AKR1C4: variants seen among roughly 807,000 people sequenced by gnomAD.
AKR1C4 encodes the protein 3-alpha-HSD1.
Under a neutral mutation model 41.0 loss-of-function variants are expected in AKR1C4, and 44 were observed. The ratio of observed to expected loss-of-function variants is 1.07; its 90% CI spans 0.84 to 1.38. The LOEUF is 1.38. AKR1C4 is among the 40% of genes most tolerant of loss of function. The probability of loss-of-function intolerance (pLI) is 0.00; values close to 1 mark genes in which losing one functional copy is unlikely to be tolerated. For missense variants in AKR1C4, 438 were observed against 387.9 expected (o/e 1.13, Z -1.09); for synonymous variants, 165 against 137.7 (o/e 1.20, Z -1.39).
chr10:5,216,555 T>TA (rs781972031), intron 7 of AKR1C4, among the ~76,000 whole-genome samples, 156 bp from the exon 8 acceptor site: 134 of 152,364 alleles, frequency 8.8e-4, no homozygotes, highest in Non-Finnish European at 4.3e-4. Context: ...TGATATTCTT[T>TA]AATCACTTGA....
intron 2 of AKR1C4, 103 bp from the exon 3 acceptor site, chr10:5,204,274 C>CAT: frequency 1.2e-6 from 1 of 869,536 alleles, no homozygotes; most frequent in Non-Finnish European, 1.8e-6. Flanking sequence ...TGCCAGAGGT[C>CAT]ATCTGTTTGG....
chr10:5,201,228 G>T lies in AKR1C4; in HGVS notation c.252+880G>T, dbSNP rs79962902. On this transcript the variant is annotated intron_variant, in intron 2 of 8. Transcript: ENST00000263126. ...ACACTCATTTACATTCCTACCAGCC[G>T]TGTAAAAGTGTTCTCTTTTTACTAC... is the stretch of plus-strand genomic sequence containing the variant. 2.8e-3 allele frequency among the ~76,000 whole-genome samples: 427 copies of T among 152,156 alleles called. 5 individuals are homozygous for T. Among genetic ancestry groups the T allele is most frequent in the East Asian group, 0.021 (111 of 5,178 alleles).
At chr10:5,206,056 G>T (rs1482996387) in intron 4 of AKR1C4, among the ~76,000 whole-genome samples, 1 of 152,228 alleles carries the variant, frequency 6.6e-6, no homozygotes, top group East Asian at 1.9e-4. Context: ...TATTCCTCCC[G>T]CTCCATGGAC....
At chr10:5,215,766 G>T (rs1054385426) in intron 7 of AKR1C4, among the ~76,000 whole-genome samples, 1 of 152,158 alleles carries the variant, frequency 6.6e-6, no homozygotes, top group Non-Finnish European at 1.5e-5. Flanking sequence ...CCTAAACTTA[G>T]TTGGCCATAT....
intron 8 of AKR1C4, among the ~76,000 whole-genome samples, chr10:5,217,603 T>TA (rs1374196142): frequency 3.9e-5 from 6 of 152,022 alleles, no homozygotes; most frequent in Non-Finnish European, 5.9e-5. Flanking sequence ...CTACTAAAAA[T>TA]AAAAAAATTA....
chr10:5,203,664 C>G (rs1832436979), intron 2 of AKR1C4, among the ~76,000 whole-genome samples: 2 of 152,186 alleles, frequency 1.3e-5, no homozygotes, highest in African/African-American at 4.8e-5. Flanking sequence ...TATTAAGTTC[C>G]TGCATTGCTT....
Position 5,218,720 on chromosome 10 carries a change from T to G in AKR1C4, c.932T>G (p.Leu311Arg), listed in dbSNP as rs782660422. ...TGTACTATCCTTTCTCTTTTCAGTC[T>G]TATGGACCATCCTGATTATCCATTT... The part of the protein sequence containing the change: ...RNYRYVVMDF[L>R]MDHPDYPFSD... Residue 311 changes from leucine (L) to arginine (R), a missense_variant and splice_region_variant, in exon 9 of 9, where the codon CTT becomes CGT. Physicochemically the swap from Leu to Arg is moderately radical, Grantham distance 102. Coordinates refer to ENST00000263126, the MANE Select transcript of AKR1C4 (RefSeq NM_001818.5). 8.3e-5 allele frequency: 133 copies of G among 1,598,638 alleles called. No homozygotes were observed. Among genetic ancestry groups the G allele is most frequent in the Non-Finnish European group, 1.1e-4 (129 of 1,165,962 alleles).
intron 5 of AKR1C4, among the ~76,000 whole-genome samples, chr10:5,208,331 TATA>T (rs1384775705): frequency 1.3e-5 from 2 of 151,782 alleles, no homozygotes; most frequent in South Asian, 2.1e-4. Flanking sequence ...TATTTGGTAA[TATA>T]ATACAAAATC....
intron 7 of AKR1C4, among the ~76,000 whole-genome samples, chr10:5,215,752 T>C (rs903035100): frequency 6.6e-6 from 1 of 152,226 alleles, no homozygotes; most frequent in Non-Finnish European, 1.5e-5. Context: ...TTAGACCTCA[T>C]TAGCCTAAAC....
chr10:5,214,756 T>C (rs1290146507), intron 7 of AKR1C4, among the ~76,000 whole-genome samples: 1 of 151,742 alleles, frequency 6.6e-6, no homozygotes, highest in Non-Finnish European at 1.5e-5. Flanking sequence ...GACTCATCAA[T>C]TGTTAAATTG....
At position 5,218,911 on chromosome 10, in the gene AKR1C4, TC is replaced by T; in HGVS notation, c.*153del. On this transcript the variant is annotated 3_prime_UTR_variant, in exon 9 of 9. Coordinates refer to ENST00000263126, the MANE Select transcript of AKR1C4 (RefSeq NM_001818.5). Reference sequence around the variant, plus strand: ...TTCAGCTAGCTAGATATATCCATGGTCCAGAAAGCAAACATAATAAATTTTT... The same window carrying T: ...TTCAGCTAGCTAGATATATCCATGGTCAGAAAGCAAACATAATAAATTTTT... The T allele has an allele frequency of 1.8e-6, 1 of 557,550 alleles. No homozygotes were observed. Among genetic ancestry groups the T allele is most frequent in the Non-Finnish European group, 3.1e-6 (1 of 318,360 alleles). 34.5% of individuals were successfully genotyped at this position (557,550 alleles called of 1,614,324 possible). A position where few individuals can be genotyped will look rare whatever the true frequency, so the allele number is the denominator to read the frequency against.
intron 7 of AKR1C4, among the ~76,000 whole-genome samples, chr10:5,214,379 A>ATG (rs1832624204): frequency 6.8e-6 from 1 of 148,110 alleles, no homozygotes; most frequent in Non-Finnish European, 1.5e-5. Context: ...AGTCTCTTAT[A>ATG]TAATAATGGC....
In AKR1C4 at chr10:5,205,716, A is replaced by G. The variant is rs1224006052; in HGVS notation, c.370-41A>G. 2.5e-6 allele frequency: 4 copies of G among 1,578,614 alleles called. No individual in the cohort carries two copies. The African/African-American group carries it at 4.1e-5, about 16-fold the overall frequency. On this transcript the variant is annotated intron_variant, in intron 3 of 8. Transcript: ENST00000263126. ...ACATGGGAGCATGCCTATGGGTGGA[A>G]AAGTTAAATGGTGACACTAAAGTGA...
chr10:5,205,702 T>C, intron 3 of AKR1C4, 55 bp from the exon 4 acceptor site: 2 of 1,469,336 alleles, frequency 1.4e-6, no homozygotes, highest in East Asian at 2.3e-5. Context: ...CATGGGAGCA[T>C]GCCTATGGGT....
intron 2 of AKR1C4, among the ~76,000 whole-genome samples, chr10:5,204,007 C>G (rs1018350126): frequency 2.0e-5 from 3 of 151,848 alleles, no homozygotes; most frequent in African/African-American, 7.3e-5. Context: ...CATGTCAGCA[C>G]GTAAAAACTT....
Position 5,212,709 on chromosome 10 carries a change from C to T in AKR1C4, c.664C>T (p.Gln222Ter). The stretch of plus-strand genomic sequence containing the variant: ...GGTTGCCCACAGTGCTCTGGGAACC[C>T]AACGACATAAACTATGGTAATAAGA... ...VLVAHSALGTQRHKLWVDPNS... is the reference protein window; with the variant it reads ...VLVAHSALGT Residue 222 changes from glutamine (Q) to a stop codon, truncating the protein, a stop_gained, in exon 6 of 9, where the codon CAA becomes TAA. Coordinates refer to ENST00000263126, the MANE Select transcript of AKR1C4 (RefSeq NM_001818.5). LOFTEE classifies it high-confidence loss of function. 2 of 1,612,166 alleles carry T rather than the reference C, an allele frequency of 1.2e-6. No individual in the cohort carries two copies. Among genetic ancestry groups the T allele is most frequent in the South Asian group, 2.2e-5 (2 of 90,638 alleles).
chr10:5,207,489 A>C (rs1437697090), intron 5 of AKR1C4: 1 of 404,492 alleles, frequency 2.5e-6, no homozygotes, highest in African/African-American at 2.1e-5. Context: ...AGGATGGAAG[A>C]AGTCAAAACT....
chr10:5,210,698 G>A (rs917447988), intron 5 of AKR1C4, among the ~76,000 whole-genome samples: 9 of 151,034 alleles, frequency 6.0e-5, no homozygotes, highest in Non-Finnish European at 7.4e-5. Context: ...TGCAACCTCC[G>A]CCTCCCAGGT....
chr10:5,200,410 A>G (rs1273024804), intron 2 of AKR1C4, 62 bp downstream of exon 2: 31 of 1,536,598 alleles, frequency 2.0e-5, no homozygotes, highest in Non-Finnish European at 2.6e-5. Flanking sequence ...GGAGATGACA[A>G]TTCTGTAACT....
Sources: allele counts gnomAD v4.1 joint callset (sites outside exome capture counted in the v4.1 genomes callset), GRCh38; gene constraint gnomAD v4.1.1; transcripts MANE v1.5; gene names NCBI Gene and HGNC (gene_info 2026-07-23, HGNC 2026-07-21).